The following CACNG5 variants were observed in gnomAD, a reference collection of about 807,000 sequenced individuals.
The protein encoded by CACNG5 is voltage-dependent calcium channel gamma-5 subunit.
Under a neutral mutation model 24.8 loss-of-function variants are expected in CACNG5, and 18 were observed. The ratio of observed to expected loss-of-function variants is 0.73; its 90% CI spans 0.50 to 1.08. The LOEUF is 1.08. Among genes scored for constraint, CACNG5 ranks in the 50% least tolerant of loss-of-function variants. The pLI is 0.00. For synonymous variants in CACNG5, 157 were observed against 149.1 expected (o/e 1.05, Z -0.39); for missense variants, 349 against 367.9 (o/e 0.95, Z 0.42).
chr17:66,836,054 G>C (rs1016488076), intron 1 of CACNG5, among the ~76,000 whole-genome samples: 1 of 152,116 alleles, frequency 6.6e-6, no homozygotes, highest in Non-Finnish European at 1.5e-5. Context: ...AAATAATTCC[G>C]GGAGCCTGGC....
rs770809783 is a variant in CACNG5 at position 66,888,543 on chromosome 17, C to CAAAAA, written c.*3322_*3326dup. Reference sequence around the variant, plus strand: ...TGGGTGACAGAGCGAGACTCCGTCTCAAAAAAAAAAAAAAAAAAAAAAAGA... The same window carrying CAAAAA: ...TGGGTGACAGAGCGAGACTCCGTCTCAAAAAAAAAAAAAAAAAAAAAAAAAAAAGA... On this transcript the variant is annotated 3_prime_UTR_variant, in exon 6 of 6. Coordinates refer to ENST00000533854, the MANE Select transcript of CACNG5 (RefSeq NM_145811.3). Among the ~76,000 whole-genome samples the CAAAAA allele has an allele frequency of 1.9e-4, 12 of 62,610 alleles. No homozygotes were observed. The highest frequency in any genetic ancestry group is 7.8e-4 in the South Asian group (1 of 1,290). 41.1% of individuals were successfully genotyped at this position (62,610 alleles called of 152,430 possible).
chr17:66,863,634 T>C (rs758631622), intron 1 of CACNG5, among the ~76,000 whole-genome samples: 1 of 152,224 alleles, frequency 6.6e-6, no homozygotes, highest in Non-Finnish European at 1.5e-5. Context: ...CCCAAAGTGC[T>C]GGGATTACAG....
intron 1 of CACNG5, among the ~76,000 whole-genome samples, chr17:66,848,189 G>A (rs557880683): frequency 3.9e-5 from 6 of 152,278 alleles, no homozygotes; most frequent in South Asian, 2.1e-4. Flanking sequence ...CCAGCCCTCC[G>A]TGACTGGTTG....
At chr17:66,877,661 G>T in intron 2 of CACNG5, 133 bp downstream of exon 2, 1 of 728,810 alleles carries the variant, frequency 1.4e-6, no homozygotes, top group East Asian at 2.7e-5. Flanking sequence ...ATATATGGCG[G>T]GTGGTGCTCC....
In CACNG5 at chr17:66,877,344, C is replaced by A. The variant is rs138908277; in HGVS notation, c.12C>A (p.Cys4Ter). ...AACGGTCCAGGAAGATGAGTGCCTG[C>A]GGGAGGAAGGCCCTGACCCTGCTGA... The part of the protein sequence containing the change: MSA[C>*]GRKALTLLSS... Residue 4 changes from cysteine to a stop codon, truncating the protein, a stop_gained, in exon 2 of 6, where the codon TGC becomes TGA. Transcript: ENST00000533854. LOFTEE classifies it high-confidence loss of function. 1.6e-5 allele frequency: 26 copies of A among 1,613,494 alleles called. No individual in the cohort carries two copies. Among genetic ancestry groups the A allele is most frequent in the East Asian group, 1.3e-4 (6 of 44,882 alleles).
chr17:66,886,601 C>G lies in CACNG5; in HGVS notation c.*1361C>G, dbSNP rs948727466. Among the ~76,000 whole-genome samples, 1 of 152,154 alleles carries G rather than the reference C, an allele frequency of 6.6e-6. No homozygotes were observed. The highest frequency in any genetic ancestry group is 6.5e-5 in the Admixed American group (1 of 15,282). ...CAATGCTGTGTGTCGCTGCTGTGCC[C>G]GCTCTCTCCTTGCCCTCTTTAAGAC... is the stretch of plus-strand genomic sequence containing the variant. On this transcript the variant is annotated 3_prime_UTR_variant, in exon 6 of 6. Transcript: ENST00000533854.
chr17:66,868,518 G>A (rs1387849646), intron 1 of CACNG5, among the ~76,000 whole-genome samples: 2 of 152,186 alleles, frequency 1.3e-5, no homozygotes, highest in African/African-American at 4.8e-5. Context: ...GTTTGGTGGG[G>A]TCAGCAGGGA....
At chr17:66,853,055 G>A (rs1976727371) in intron 1 of CACNG5, among the ~76,000 whole-genome samples, 1 of 151,408 alleles carries the variant, frequency 6.6e-6, no homozygotes, top group Non-Finnish European at 1.5e-5. Flanking sequence ...TCAAACTCCT[G>A]GGCTGAAGCA....
intron 1 of CACNG5, among the ~76,000 whole-genome samples, chr17:66,861,717 C>G (rs1292090917): frequency 6.6e-6 from 1 of 152,218 alleles, no homozygotes; most frequent in Non-Finnish European, 1.5e-5. Flanking sequence ...TTTTCCATTT[C>G]TCGCTGGCTG....
rs533096199 is a variant in CACNG5 at position 66,850,450 on chromosome 17, C to T, written c.-104+15200C>T. On this transcript the variant is annotated intron_variant, in intron 1 of 5. Coordinates refer to ENST00000533854, the MANE Select transcript of CACNG5 (RefSeq NM_145811.3). ...TGCCCCAGGAAGAAGCAGAGAAAGC[C>T]ATCCCAGGGAGAGGGGAGGAAATTC... Among the ~76,000 whole-genome samples, 342 of 152,284 alleles carry T rather than the reference C, an allele frequency of 2.2e-3. 3 individuals carry two copies. Among genetic ancestry groups the T allele is most frequent in the African/African-American group, 7.7e-3 (321 of 41,560 alleles).
chr17:66,885,131 G>A lies in CACNG5; in HGVS notation c.719G>A (p.Gly240Asp), dbSNP rs1165138711. Reference sequence around the variant, plus strand: ...CTACACCCAGACGCCTGGGTCAGGGGCCGCAGCCCCTCCGACATCTCCAGC... The same window carrying A: ...CTACACCCAGACGCCTGGGTCAGGGACCGCAGCCCCTCCGACATCTCCAGC... The part of the protein sequence containing the change: ...QFLHPDAWVR[G>D]RSPSDISSEA... The change falls in exon 6 of 6, where the codon GGC becomes GAC. Residue 240 changes from glycine (G) to aspartate (D), a missense_variant. Transcript: ENST00000533854. 2.5e-6 allele frequency: 4 copies of A among 1,613,890 alleles called. No homozygotes were observed. Among genetic ancestry groups the A allele is most frequent in the African/African-American group, 1.3e-5 (1 of 74,930 alleles).
chr17:66,845,762 T>G (rs1241584096), intron 1 of CACNG5, among the ~76,000 whole-genome samples: 1 of 152,178 alleles, frequency 6.6e-6, no homozygotes, highest in African/African-American at 2.4e-5. Flanking sequence ...TCCTTTGCCC[T>G]TTGGAGATCT....
intron 1 of CACNG5, among the ~76,000 whole-genome samples, chr17:66,843,863 G>A (rs1246023938): frequency 6.6e-6 from 1 of 152,028 alleles, no homozygotes; most frequent in African/African-American, 2.4e-5. Flanking sequence ...CTCACACTGG[G>A]TGCTCTCAAG....
intron 1 of CACNG5, among the ~76,000 whole-genome samples, chr17:66,845,469 A>AC (rs1212546539): frequency 6.6e-6 from 1 of 151,474 alleles, no homozygotes; most frequent in Non-Finnish European, 1.5e-5. Flanking sequence ...TTTAAAAAAA[A>AC]AAAACAAAAA....
chr17:66,893,083 C>A lies in CACNG5; in HGVS notation c.*7843C>A, dbSNP rs899107799. ...CTCATGTAACCCTTTCCATCCTGTA[C>A]GTAGAATACTGAGACCTAAAGAAGT... On this transcript the variant is annotated 3_prime_UTR_variant, in exon 6 of 6. Transcript: ENST00000533854. Among the ~76,000 whole-genome samples the A allele has an allele frequency of 6.6e-6, 1 of 152,144 alleles. No homozygotes were observed. Among genetic ancestry groups the A allele is most frequent in the Admixed American group, 6.5e-5 (1 of 15,282 alleles).
At position 66,849,206 on chromosome 17, in the gene CACNG5, C is replaced by A. The variant is rs551623763; in HGVS notation, c.-104+13956C>A. ...ATTCCCGGTGATCAATTTCCTCCAC[C>A]CCCTCTTCCCTCCGGATGGGAACGG... On this transcript the variant is annotated intron_variant, in intron 1 of 5. Transcript: ENST00000533854. Among the ~76,000 whole-genome samples, 257 of 152,292 alleles carry A rather than the reference C, an allele frequency of 1.7e-3. 1 individual carries two copies. The highest frequency in any genetic ancestry group is 6.0e-3 in the African/African-American group (251 of 41,558).
chr17:66,880,780 C>T (rs1977148578), intron 4 of CACNG5, 83 bp downstream of exon 4: 1 of 1,500,038 alleles, frequency 6.7e-7, no homozygotes, highest in East Asian at 2.3e-5. Context: ...CTTGCTCTGG[C>T]ACCCACGCTG....
chr17:66,879,900 T>C (rs1977133935), intron 3 of CACNG5, among the ~76,000 whole-genome samples: 1 of 152,132 alleles, frequency 6.6e-6, no homozygotes, highest in South Asian at 2.1e-4. Context: ...ATCACCTGGC[T>C]CAAAACCCCA....
chr17:66,865,822 T>A (rs981926757), intron 1 of CACNG5, among the ~76,000 whole-genome samples: 1 of 150,492 alleles, frequency 6.6e-6, no homozygotes. Flanking sequence ...TTTGTATTTT[T>A]AGTAGAGACG....
Sources: allele counts gnomAD v4.1 joint callset (sites outside exome capture counted in the v4.1 genomes callset), GRCh38; gene constraint gnomAD v4.1.1; transcripts MANE v1.5; gene names NCBI Gene and HGNC (gene_info 2026-07-23, HGNC 2026-07-21).